The following GABBR2 variants were observed in gnomAD, a reference collection of about 807,000 sequenced individuals.
GABBR2 encodes gamma-aminobutyric acid type B receptor subunit 2.
In GABBR2, 23 loss-of-function variants were observed where a neutral mutation model predicts 105.6. That is an observed-to-expected ratio of 0.22 (90% confidence interval 0.16 to 0.31). GABBR2 has a LOEUF of 0.31. Ranked by LOEUF, GABBR2 falls within the 10% of genes least tolerant of loss-of-function variation. The pLI is 1.00. For synonymous variants in GABBR2, 478 were observed against 499.7 expected (o/e 0.96, Z 0.58); for missense variants, 734 against 1,245.5 (o/e 0.59, Z 6.18).
chr9:98,602,776 T>C (rs933245638), intron 1 of GABBR2, among the ~76,000 whole-genome samples: 2 of 152,244 alleles, frequency 1.3e-5, no homozygotes, highest in South Asian at 2.1e-4. Flanking sequence ...TTTCTTTTTT[T>C]AGCAAACTAC....
intron 13 of GABBR2, among the ~76,000 whole-genome samples, chr9:98,330,596 C>G (rs1831007169): frequency 6.6e-6 from 1 of 152,184 alleles, no homozygotes; most frequent in Non-Finnish European, 1.5e-5. Context: ...AGCTGTGAAG[C>G]CACAGAAGAA....
chr9:98,451,790 C>T (rs556260989), intron 7 of GABBR2, among the ~76,000 whole-genome samples: 65 of 152,194 alleles, frequency 4.3e-4, no homozygotes, highest in Non-Finnish European at 8.2e-4. Context: ...CCTCCTTATC[C>T]AGCTTGCCAG....
intron 7 of GABBR2, among the ~76,000 whole-genome samples, chr9:98,447,227 A>C (rs1430092155): frequency 7.1e-6 from 1 of 140,298 alleles, no homozygotes; most frequent in Non-Finnish European, 1.6e-5. Flanking sequence ...ACGCCCGGCT[A>C]ATTTTTTGTA....
At chr9:98,554,501 T>C (rs770172097) in intron 2 of GABBR2, among the ~76,000 whole-genome samples, 1 of 152,192 alleles carries the variant, frequency 6.6e-6, no homozygotes, top group South Asian at 2.1e-4. Context: ...ATCGTACGTA[T>C]ATTTAAAAAC....
intron 7 of GABBR2, among the ~76,000 whole-genome samples, chr9:98,422,424 C>T (rs1293174338): frequency 6.6e-6 from 1 of 151,860 alleles, no homozygotes; most frequent in Non-Finnish European, 1.5e-5. Flanking sequence ...ACTCTTTGAC[C>T]CAGAATTTCA....
chr9:98,453,930 G>T, intron 7 of GABBR2, 51 bp downstream of exon 7: 1 of 1,227,876 alleles, frequency 8.1e-7, no homozygotes, highest in Non-Finnish European at 1.2e-6. Flanking sequence ...CTTTTGCTTT[G>T]CATGTTTACA....
At chr9:98,425,455 C>T (rs1304184419) in intron 7 of GABBR2, among the ~76,000 whole-genome samples, 1 of 152,190 alleles carries the variant, frequency 6.6e-6, no homozygotes, top group African/African-American at 2.4e-5. Flanking sequence ...CATTTGTGCA[C>T]TCATTCTTTC....
Position 98,300,603 on chromosome 9 carries a change from A to G in GABBR2, c.2413-1250T>C, listed in dbSNP as rs147294835. On this transcript the variant is annotated intron_variant, in intron 16 of 18. Transcript: ENST00000259455. ...ATATCTGTATAATAGAATGGCTTTC[A>G]TCCATGATTCCTGGCTGCTATATCT... 4.1e-3 allele frequency among the ~76,000 whole-genome samples: 626 copies of G among 152,288 alleles called. 3 individuals carry two copies. Among genetic ancestry groups the G allele is most frequent in the African/African-American group, 0.014 (573 of 41,548 alleles).
At chr9:98,590,849 G>C (rs1201008464) in intron 1 of GABBR2, among the ~76,000 whole-genome samples, 2 of 152,212 alleles carry the variant, frequency 1.3e-5, no homozygotes, top group Admixed American at 1.3e-4. Context: ...GAGTGGGTGA[G>C]AGACATGGAA....
chr9:98,397,848 C>T (rs1158125047), intron 8 of GABBR2, among the ~76,000 whole-genome samples: 1 of 152,172 alleles, frequency 6.6e-6, no homozygotes, highest in East Asian at 1.9e-4. Flanking sequence ...GCTTCTGATT[C>T]CTGCTGGCTA....
intron 13 of GABBR2, among the ~76,000 whole-genome samples, chr9:98,336,871 G>A: frequency 6.6e-6 from 1 of 152,072 alleles, no homozygotes; most frequent in Non-Finnish European, 1.5e-5. Context: ...TTGATTCAAA[G>A]ATATAAGTAG....
chr9:98,384,196 C>A (rs1430894451), intron 11 of GABBR2, among the ~76,000 whole-genome samples: 5 of 152,136 alleles, frequency 3.3e-5, no homozygotes, highest in Non-Finnish European at 7.3e-5. Context: ...CTGGCTAACC[C>A]CATTTGGACA....
chr9:98,514,748 A>G (rs984661445), intron 3 of GABBR2, among the ~76,000 whole-genome samples: 6 of 151,920 alleles, frequency 3.9e-5, no homozygotes, highest in Non-Finnish European at 7.4e-5. Flanking sequence ...ATGTATATAT[A>G]TGTAACAAAT....
intron 1 of GABBR2, among the ~76,000 whole-genome samples, chr9:98,681,152 T>C (rs1308346229): frequency 2.0e-5 from 3 of 148,050 alleles, no homozygotes; most frequent in East Asian, 3.9e-4. Flanking sequence ...CGTATGTTTA[T>C]TGCGGCATTA....
At chr9:98,338,115 A>C (rs1001361465) in intron 13 of GABBR2, among the ~76,000 whole-genome samples, 3 of 152,240 alleles carry the variant, frequency 2.0e-5, no homozygotes, top group African/African-American at 7.2e-5. Context: ...ATGTACAAAA[A>C]CTAACTCAGA....
In GABBR2 at chr9:98,371,495, G is replaced by T; in HGVS notation, c.1739C>A (p.Ala580Asp). The change falls in exon 12 of 19, where the codon GCC (alanine) becomes GAC (aspartate). Residue 580 changes from alanine (A) to aspartate (D), a missense_variant. Around this residue, in one of 7 missense-constraint regions of GABBR2, gnomAD observed 17 missense variants for 67.8 expected, o/e 0.25. Transcript: ENST00000259455. ...CTTCATTTTCACATTTTTGAAGATG[G>T]CGTGGACTCTCCAGGTCTTTGCAAA... Reference protein sequence around the residue: ...AMFAKTWRVHAIFKNVKMKKK... With the variant: ...AMFAKTWRVHDIFKNVKMKKK... The T allele has an allele frequency of 6.2e-7, 1 of 1,604,430 alleles. No homozygotes were observed. The highest frequency in any genetic ancestry group is 8.5e-7 in the Non-Finnish European group (1 of 1,171,250).
chr9:98,551,821 C>G (rs1298936346), intron 2 of GABBR2, among the ~76,000 whole-genome samples: 3 of 152,114 alleles, frequency 2.0e-5, no homozygotes, highest in Non-Finnish European at 2.9e-5. Flanking sequence ...ACTGAGAGAA[C>G]AAGGGTAAGT....
intron 8 of GABBR2, among the ~76,000 whole-genome samples, chr9:98,402,114 T>C (rs966033812): frequency 2.6e-5 from 4 of 152,174 alleles, no homozygotes; most frequent in African/African-American, 7.2e-5. Flanking sequence ...TTATGTTGCA[T>C]AGAAGCAGTG....
chr9:98,707,996 G>T (rs1588291720), intron 1 of GABBR2, among the ~76,000 whole-genome samples: 1 of 152,332 alleles, frequency 6.6e-6, no homozygotes, highest in African/African-American at 2.4e-5. Context: ...GGCCCCTCCG[G>T]CCCTGGGTGG....
Sources: allele counts gnomAD v4.1 joint callset (sites outside exome capture counted in the v4.1 genomes callset), GRCh38; gene constraint gnomAD v4.1.1; regional missense constraint gnomAD v4.1.1; transcripts MANE v1.5; gene names NCBI Gene and HGNC (gene_info 2026-07-23, HGNC 2026-07-21).